Variants in CPNE9 observed in about 807,000 individuals in gnomAD.
CPNE9 encodes copine-9.
A neutral mutation model predicts 83.0 loss-of-function variants in CPNE9; 59 were observed. The ratio of observed to expected loss-of-function variants is 0.71; its 90% CI spans 0.58 to 0.88. CPNE9 has a LOEUF of 0.88. CPNE9 is among the 40% of genes least tolerant of loss of function. The pLI is 0.00. For synonymous variants in CPNE9, 256 were observed against 273.4 expected, an observed-to-expected ratio of 0.94 and a Z score of 0.63; for missense variants, 619 against 720.8, an observed-to-expected ratio of 0.86 and a Z score of 1.62.
rs2076814453 is a variant in CPNE9, at chr3:9,729,862, A to C, written c.*170A>C. 1.2e-6 allele frequency: 1 copy of C among 834,700 alleles called. No homozygotes were observed. Among genetic ancestry groups the C allele is most frequent in the African/African-American group, 1.7e-5 (1 of 58,442 alleles). 51.7% of individuals were successfully genotyped at this position (834,700 alleles called of 1,614,324 possible). A position where few individuals can be genotyped will look rare whatever the true frequency, so the allele number is the denominator to read the frequency against. On this transcript the variant is annotated 3_prime_UTR_variant, in exon 21 of 21. Transcript: ENST00000383832. ...TGCCTGCAGAGGGCCTGGCACTATC[A>C]CCACCTCTCTGCCTTCATGCCAATA...
In CPNE9 at chr3:9,705,886, G is replaced by A. The variant is rs551996523; in HGVS notation, c.301-101G>A. 7.4e-5 allele frequency: 105 copies of A among 1,414,004 alleles called. 1 individual carries two copies. The highest frequency in any genetic ancestry group is 6.5e-4 in the African/African-American group (46 of 71,110). The allele number at this position is 1,414,004 out of a possible 1,614,324, so 87.6% of individuals were successfully genotyped here. ...GCCGTGGCTCTTGCACCACTCATTCGCCTGGGAACTGCCCTGGTCCTGTGC... is the reference window on the plus strand; with the variant it reads ...GCCGTGGCTCTTGCACCACTCATTCACCTGGGAACTGCCCTGGTCCTGTGC... On this transcript the variant is annotated intron_variant, in intron 6 of 20. Transcript: ENST00000383832.
At chr3:9,709,741 G>C (rs142812473) in intron 7 of CPNE9, among the ~76,000 whole-genome samples, 54 of 151,896 alleles carry the variant, frequency 3.6e-4, no homozygotes, top group African/African-American at 1.3e-3. Flanking sequence ...AGGAGGCCGA[G>C]GCCTCCTAAA....
chr3:9,705,895 C>A, intron 6 of CPNE9, 92 bp from the exon 7 acceptor site: 1 of 1,447,690 alleles, frequency 6.9e-7, no homozygotes, highest in Non-Finnish European at 9.6e-7. Flanking sequence ...CGCCTGGGAA[C>A]TGCCCTGGTC....
intron 17 of CPNE9, among the ~76,000 whole-genome samples, chr3:9,720,957 G>A (rs553574124): frequency 2.0e-5 from 3 of 152,282 alleles, no homozygotes; most frequent in South Asian, 2.1e-4. Context: ...AAGTAACAAT[G>A]TCTACTTCAT....
chr3:9,712,648 C>T, intron 8 of CPNE9, 44 bp downstream of exon 8: 3 of 1,608,070 alleles, frequency 1.9e-6, no homozygotes, highest in Non-Finnish European at 2.6e-6. Context: ...CCCTTCTCTC[C>T]CCGTAAACCC....
At chr3:9,726,621 G>C in intron 18 of CPNE9, 44 bp from the exon 19 acceptor site, 1 of 1,499,764 alleles carries the variant, frequency 6.7e-7, no homozygotes. Flanking sequence ...CACCTCCCTA[G>C]TGATGCCTGC....
chr3:9,711,516 C>G (rs918847268), intron 7 of CPNE9, among the ~76,000 whole-genome samples: 1 of 152,136 alleles, frequency 6.6e-6, no homozygotes, highest in South Asian at 2.1e-4. Context: ...CGCGCCCAGC[C>G]GTAGGCGAAT....
intron 16 of CPNE9, 130 bp downstream of exon 16, chr3:9,718,340 A>C: frequency 7.2e-7 from 1 of 1,384,928 alleles, no homozygotes; most frequent in Non-Finnish European, 9.9e-7. Context: ...ATAGCAGAGC[A>C]GGGAGGGGAG....
intron 7 of CPNE9, among the ~76,000 whole-genome samples, chr3:9,707,683 G>A (rs1018291349): frequency 1.3e-5 from 2 of 151,104 alleles, no homozygotes; most frequent in African/African-American, 4.9e-5. Flanking sequence ...TACTTGGGAG[G>A]CTGAGGTGGG....
Position 9,718,068 on chromosome 3 carries a change from C to T in CPNE9, c.971C>T (p.Pro324Leu). Residue 324 changes from proline to leucine, a missense_variant, in exon 16 of 21, where the codon CCC becomes CTC. Around this residue, in one of 3 missense-constraint regions of CPNE9, gnomAD observed 438 missense variants for 562.9 expected, o/e 0.78. Coordinates refer to ENST00000383832, the MANE Select transcript of CPNE9 (RefSeq NM_153635.3). ...CCTACCTCCCTGCACTACATGAGTCCCTACCAGCTCAGCGCCTATGCCATG... is the reference window on the plus strand; with the variant it reads ...CCTACCTCCCTGCACTACATGAGTCTCTACCAGCTCAGCGCCTATGCCATG... ...LQPTSLHYMS[P>L]YQLSAYAMAL... 1 of 1,614,018 alleles carries T rather than the reference C, an allele frequency of 6.2e-7. No homozygotes were observed. The highest frequency in any genetic ancestry group is 8.5e-7 in the Non-Finnish European group (1 of 1,179,940).
At chr3:9,705,429 A>AC in intron 4 of CPNE9, 35 bp from the exon 5 acceptor site, 1 of 286,640 alleles carries the variant, frequency 3.5e-6, no homozygotes, top group African/African-American at 6.1e-5. Context: ...TCCCCCACCC[A>AC]GCCCCACCCC....
chr3:9,727,937 T>C (rs1385972618), intron 20 of CPNE9, among the ~76,000 whole-genome samples: 2 of 151,932 alleles, frequency 1.3e-5, no homozygotes, highest in Non-Finnish European at 1.5e-5. Flanking sequence ...CAAAAGATAT[T>C]TAAGAAGAAA....
intron 17 of CPNE9, among the ~76,000 whole-genome samples, chr3:9,725,682 A>ATATGTATATATATGTGTATATATG (rs142038329): frequency 6.5e-5 from 8 of 123,020 alleles, no homozygotes; most frequent in Non-Finnish European, 1.4e-4. Context: ...ATGTGTATAT[A>ATATGTATATATATGTGTATATATG]TATATACATA....
chr3:9,712,868 C>T, intron 9 of CPNE9, 40 bp downstream of exon 9: 1 of 1,587,314 alleles, frequency 6.3e-7, no homozygotes, highest in Non-Finnish European at 8.6e-7. Context: ...TGGGGTGGGC[C>T]ATGTGCTTAA....
At chr3:9,713,669 T>C (rs531801152) in intron 10 of CPNE9, among the ~76,000 whole-genome samples, 2 of 152,126 alleles carry the variant, frequency 1.3e-5, no homozygotes, top group South Asian at 4.2e-4. Flanking sequence ...GATAGATGAA[T>C]AGATGGCAAA....
intron 6 of CPNE9, 49 bp downstream of exon 6, chr3:9,705,769 T>C (rs1575114716): frequency 1.2e-6 from 2 of 1,600,380 alleles, no homozygotes; most frequent in Non-Finnish European, 1.7e-6. Flanking sequence ...GGTGGTATTG[T>C]GGAGAACAGG....
intron 17 of CPNE9, 133 bp from the exon 18 acceptor site, chr3:9,725,816 G>C: frequency 4.2e-6 from 3 of 708,816 alleles, no homozygotes; most frequent in Admixed American, 2.0e-5. Flanking sequence ...GCCAGGTCTG[G>C]GGAAGGAGCA....
Position 9,704,792 on chromosome 3 carries a change from G to A in CPNE9, c.153G>A (p.Arg51=). The A allele has an allele frequency of 6.2e-7, 1 of 1,608,692 alleles. No individual in the cohort carries two copies. Among genetic ancestry groups the A allele is most frequent in the East Asian group, 2.2e-5 (1 of 44,718 alleles). Residue 51 remains arginine (R), a synonymous_variant, in exon 3 of 21, where the codon CGG becomes CGA. Coordinates refer to ENST00000383832, the MANE Select transcript of CPNE9 (RefSeq NM_153635.3). This position sits in a 1 kb window ranked among gnomAD's most constrained non-coding sequence, Gnocchi z 7.1. ...AGAGCCGGGCCAGCCAGGAGTGGCG[G>A]GAGGTGAGTCCCAGAGCCCCCTCCC... ...YTQSRASQEW[R]EFGRTEVIDN...
intron 13 of CPNE9, 77 bp from the exon 14 acceptor site, chr3:9,715,897 C>A: frequency 8.1e-7 from 1 of 1,235,598 alleles, no homozygotes; most frequent in East Asian, 2.4e-5. Context: ...TCTTTCCAAG[C>A]CCCTATGGGC....
Sources: gnomAD v4.1 joint callset for allele counts (sites outside exome capture counted in the v4.1 genomes callset) on GRCh38, gnomAD v4.1.1 for gene constraint, gnomAD v4.1.1 regional missense constraint, Gnocchi (gnomAD v3.1) non-coding constraint, MANE v1.5 for transcripts, NCBI Gene and HGNC (gene_info 2026-07-23, HGNC 2026-07-21) for gene names.